The following TRPM1 variants were observed in gnomAD, a reference collection of about 807,000 sequenced individuals.
TRPM1 encodes the protein transient receptor potential cation channel subfamily M member 1.
Under a neutral mutation model 149.4 loss-of-function variants are expected in TRPM1, and 113 were observed. The observed-to-expected ratio is 0.76, with a 90% CI of 0.65 to 0.88. The LOEUF (loss-of-function observed/expected upper bound fraction) is 0.88. Among genes scored for constraint, TRPM1 ranks in the 40% least tolerant of loss-of-function variants. The pLI, the probability that TRPM1 is intolerant of heterozygous loss-of-function variation, is 0.00. For synonymous variants in TRPM1, 741 were observed against 759.5 expected, an observed-to-expected ratio of 0.98 and a Z score of 0.40; for missense variants, 1,976 against 2,038.7, an observed-to-expected ratio of 0.97 and a Z score of 0.59.
intron 7 of TRPM1, chr15:31,065,050 G>A (rs757047033): frequency 1.9e-6 from 1 of 534,660 alleles, no homozygotes; most frequent in Non-Finnish European, 3.8e-6. Context: ...TGTGGGAAGT[G>A]ACAACTGAGC....
chr15:31,087,142 C>A (rs560295638), intron 1 of TRPM1, among the ~76,000 whole-genome samples: 1 of 149,634 alleles, frequency 6.7e-6, no homozygotes, highest in East Asian at 2.0e-4. Context: ...TAAAAGAGTA[C>A]AGCCACTGTG....
Position 31,002,769 on chromosome 15 carries a change from G to A in TRPM1, c.3931C>T (p.Leu1311Phe), listed in dbSNP as rs1424587442. The change falls in exon 28 of 28, where the codon CTC becomes TTC. Residue 1311 changes from leucine to phenylalanine, a missense_variant. Leu to Phe is a conservative substitution (Grantham distance 22). Around this residue, in one of 3 missense-constraint regions of TRPM1, gnomAD observed 572 missense variants for 578.9 expected, o/e 0.99. Transcript: ENST00000256552. ...GEELLFEDTS[L>F]STSPGTGVRK... ...ACTCCTGTCCCTGGTGACGTGGAGA[G>A]AGATGTATCCTCAAATAATAACTCT... 1 of 1,614,084 alleles carries A rather than the reference G, an allele frequency of 6.2e-7. No individual in the cohort carries two copies. Among genetic ancestry groups the A allele is most frequent in the Non-Finnish European group, 8.5e-7 (1 of 1,180,040 alleles).
intron 1 of TRPM1, among the ~76,000 whole-genome samples, chr15:31,153,594 G>A (rs1805301405): frequency 6.6e-6 from 1 of 152,158 alleles, no homozygotes; most frequent in Admixed American, 6.5e-5. Flanking sequence ...AAAGTTCTGG[G>A]ACTACAGGTG....
intron 7 of TRPM1, among the ~76,000 whole-genome samples, chr15:31,065,564 C>T (rs1172111150): frequency 6.7e-6 from 1 of 150,044 alleles, no homozygotes; most frequent in Non-Finnish European, 1.5e-5. Context: ...AGTGACAGCT[C>T]CCCCTCAGGA....
At chr15:31,103,683 G>A (rs574406436), upstream of TRPM1, among the ~76,000 whole-genome samples, 7 of 151,624 alleles carry the variant, frequency 4.6e-5, no homozygotes, top group South Asian at 1.5e-3. Context: ...CATGGTGGTG[G>A]GTGCCTGTAA....
intron 11 of TRPM1, among the ~76,000 whole-genome samples, chr15:31,053,114 T>C (rs2033990700): frequency 1.3e-5 from 2 of 152,160 alleles, no homozygotes; most frequent in South Asian, 4.1e-4. Flanking sequence ...GAGACTTGAA[T>C]AGACATTTCT....
At chr15:31,101,830 G>C, upstream of TRPM1, 1 of 597,378 alleles carries the variant, frequency 1.7e-6, no homozygotes, top group Non-Finnish European at 2.1e-6. Flanking sequence ...ATGGCCCCAT[G>C]ACCTGACTCC....
At chr15:31,155,464 A>G (rs1177490814) in intron 1 of TRPM1, among the ~76,000 whole-genome samples, 1 of 151,216 alleles carries the variant, frequency 6.6e-6, no homozygotes, top group Non-Finnish European at 1.5e-5. Context: ...GCAGGCACAA[A>G]CCGTTGAGGC....
intron 20 of TRPM1, among the ~76,000 whole-genome samples, chr15:31,036,135 G>A (rs750947537): frequency 1.3e-5 from 2 of 152,112 alleles, no homozygotes; most frequent in Non-Finnish European, 2.9e-5. Flanking sequence ...CCAGATATGC[G>A]AGCTGACCCT....
chr15:31,131,712 T>C (rs979139352), intron 1 of TRPM1, among the ~76,000 whole-genome samples: 1 of 151,990 alleles, frequency 6.6e-6, no homozygotes, highest in Non-Finnish European at 1.5e-5. Context: ...TCCGGGGAGA[T>C]AGTGTGAACC....
At chr15:31,049,054 C>T (rs888364620) in intron 13 of TRPM1, among the ~76,000 whole-genome samples, 1 of 152,274 alleles carries the variant, frequency 6.6e-6, no homozygotes, top group South Asian at 2.1e-4. Context: ...ACTTCTCACC[C>T]TTGGTGACAT....
chr15:31,137,150 T>C (rs1015802291), intron 1 of TRPM1, among the ~76,000 whole-genome samples: 8 of 152,084 alleles, frequency 5.3e-5, no homozygotes, highest in African/African-American at 1.7e-4. Context: ...GACTGAGGAG[T>C]CACTGTGGCA....
intron 1 of TRPM1, among the ~76,000 whole-genome samples, chr15:31,086,052 T>C (rs2034992470): frequency 6.6e-6 from 1 of 152,184 alleles, no homozygotes; most frequent in African/African-American, 2.4e-5. Context: ...GGCTGGGTGT[T>C]GGATTATCTA....
At chr15:31,046,427 T>C (rs2033765478) in intron 15 of TRPM1, among the ~76,000 whole-genome samples, 194 bp from the exon 16 acceptor site, 1 of 152,186 alleles carries the variant, frequency 6.6e-6, no homozygotes, top group Non-Finnish European at 1.5e-5. Flanking sequence ...AGAAGTTAAT[T>C]GAGAAGAAAG....
chr15:31,083,064 C>G (rs1596051596), intron 1 of TRPM1, among the ~76,000 whole-genome samples: 1 of 152,260 alleles, frequency 6.6e-6, no homozygotes, highest in East Asian at 1.9e-4. Context: ...TGCAAAGACA[C>G]AGTGTGACTT....
At chr15:31,034,232 T>C (rs1014249545) in intron 21 of TRPM1, among the ~76,000 whole-genome samples, 3 of 152,248 alleles carry the variant, frequency 2.0e-5, no homozygotes, top group Non-Finnish European at 2.9e-5. Flanking sequence ...AGAGATTGCT[T>C]ACTGGGAGTT....
chr15:31,032,140 T>C (rs1463763065), intron 22 of TRPM1, among the ~76,000 whole-genome samples: 2 of 152,120 alleles, frequency 1.3e-5, no homozygotes, highest in African/African-American at 4.8e-5. Context: ...GTAAATATTT[T>C]GAGACATCTA....
intron 7 of TRPM1, among the ~76,000 whole-genome samples, chr15:31,064,334 C>T (rs926429412): frequency 7.9e-5 from 12 of 152,224 alleles, no homozygotes; most frequent in African/African-American, 2.9e-4. Context: ...TTCCCAGAGT[C>T]CTCCCTCTGT....
chr15:31,057,485 T>C (rs2034115491), intron 11 of TRPM1, among the ~76,000 whole-genome samples: 2 of 152,132 alleles, frequency 1.3e-5, no homozygotes, highest in South Asian at 2.1e-4. Context: ...CAAACCCCCA[T>C]GACACAAGTT....
Sources: gnomAD v4.1 joint callset for allele counts (sites outside exome capture counted in the v4.1 genomes callset) on GRCh38, gnomAD v4.1.1 for gene constraint, gnomAD v4.1.1 regional missense constraint, MANE v1.5 for transcripts, NCBI Gene and HGNC (gene_info 2026-07-23, HGNC 2026-07-21) for gene names.